ATP10D: variants seen among roughly 807,000 people sequenced by gnomAD.
The protein encoded by ATP10D is phospholipid-transporting ATPase VD.
Under a neutral mutation model 144.8 loss-of-function variants are expected in ATP10D, and 89 were observed. The observed-to-expected ratio is 0.61, with a 90% CI of 0.52 to 0.73. The LOEUF (loss-of-function observed/expected upper bound fraction) is 0.73, where lower values mean the gene tolerates loss of function less well. ATP10D is among the 30% of genes least tolerant of loss of function. The pLI, the probability that ATP10D is intolerant of heterozygous loss-of-function variation, is 0.00. For missense variants in ATP10D, 1,603 were observed against 1,714.8 expected, an observed-to-expected ratio of 0.93 and a Z score of 1.15; for synonymous variants, 571 against 615.1, an observed-to-expected ratio of 0.93 and a Z score of 1.06.
intron 1 of ATP10D, among the ~76,000 whole-genome samples, chr4:47,509,311 GCT>G (rs1451332058): frequency 6.6e-6 from 1 of 151,942 alleles, no homozygotes; most frequent in Non-Finnish European, 1.5e-5. Flanking sequence ...TTTATCTTTA[GCT>G]CTCTGTAGAA....
At chr4:47,516,920 T>G (rs1055919036) in intron 3 of ATP10D, among the ~76,000 whole-genome samples, 1 of 152,180 alleles carries the variant, frequency 6.6e-6, no homozygotes, top group Non-Finnish European at 1.5e-5. Flanking sequence ...GAATGCTTAT[T>G]ATATACCAGA....
intron 9 of ATP10D, among the ~76,000 whole-genome samples, chr4:47,538,000 A>G (rs921079630): frequency 3.3e-5 from 5 of 152,194 alleles, no homozygotes; most frequent in African/African-American, 9.6e-5. Context: ...AATTGTTTTT[A>G]TAAGACACAT....
At chr4:47,512,473 C>T in intron 1 of ATP10D, 31 bp from the exon 2 acceptor site, 1 of 1,401,570 alleles carries the variant, frequency 7.1e-7, no homozygotes, top group Non-Finnish European at 9.8e-7. Flanking sequence ...TTCAGAAGCT[C>T]ATGGAAGTGT....
chr4:47,522,760 G>C (rs1191310381), intron 3 of ATP10D, among the ~76,000 whole-genome samples: 5 of 152,156 alleles, frequency 3.3e-5, no homozygotes, highest in Admixed American at 6.5e-5. Flanking sequence ...GTAGAGACAG[G>C]GTTTCACCAT....
rs571577076 is a variant in ATP10D at position 47,584,517 on chromosome 4, C to T, written c.3753+2453C>T. Among the ~76,000 whole-genome samples the T allele has an allele frequency of 3.4e-4, 51 of 152,186 alleles. 1 individual carries two copies. Among genetic ancestry groups the T allele is most frequent in the Middle Eastern group, 3.4e-3 (1 of 294 alleles). ...ATGCCATTCTTCTGCCTCAGCCTCC[C>T]GAGTAGCTGGGACTACAGGCGCCCA... On this transcript the variant is annotated intron_variant, in intron 21 of 22. Coordinates refer to ENST00000273859, the MANE Select transcript of ATP10D (RefSeq NM_020453.4).
chr4:47,493,899 C>T (rs1403655543), intron 1 of ATP10D, among the ~76,000 whole-genome samples: 1 of 152,126 alleles, frequency 6.6e-6, no homozygotes, highest in Admixed American at 6.5e-5. Context: ...GGAGTAAGAT[C>T]CTCAGGTGAG....
rs187153727 is a variant in ATP10D at position 47,497,040 on chromosome 4, C to T, written c.-38+11521C>T. Among the ~76,000 whole-genome samples, 759 of 152,220 alleles carry T rather than the reference C, an allele frequency of 5.0e-3. 7 individuals carry two copies. Among genetic ancestry groups the T allele is most frequent in the African/African-American group, 0.017 (708 of 41,576 alleles). On this transcript the variant is annotated intron_variant, in intron 1 of 22. Transcript: ENST00000273859. Reference sequence around the variant, plus strand: ...TATTTTTAGTAGAAACGGGTTTCACCACATTGGCCAGGCTTGTCTCAAACT... The same window carrying T: ...TATTTTTAGTAGAAACGGGTTTCACTACATTGGCCAGGCTTGTCTCAAACT...
At chr4:47,557,602 C>A in intron 11 of ATP10D, 62 bp from the exon 12 acceptor site, 1 of 1,444,610 alleles carries the variant, frequency 6.9e-7, no homozygotes. Flanking sequence ...TCCAGTTTGC[C>A]TTCAAAGTTG....
intron 9 of ATP10D, among the ~76,000 whole-genome samples, chr4:47,540,712 A>C (rs1163315635): frequency 6.6e-6 from 1 of 152,146 alleles, no homozygotes; most frequent in Non-Finnish European, 1.5e-5. Context: ...ATTATTATTA[A>C]TTGAAACCCA....
intron 16 of ATP10D, among the ~76,000 whole-genome samples, chr4:47,570,724 A>T (rs180941889): frequency 7.0e-4 from 106 of 152,040 alleles, no homozygotes; most frequent in Non-Finnish European, 1.3e-3. Flanking sequence ...AGTCACTTGC[A>T]CCCGGGAAGC....
At chr4:47,550,947 A>G (rs112932977) in intron 10 of ATP10D, among the ~76,000 whole-genome samples, 19,863 of 152,316 alleles carry the variant, frequency 0.13, 1,637 homozygotes, top group Non-Finnish European at 0.19. Context: ...ATAGAGTGAA[A>G]TAGAGCTCCC....
intron 1 of ATP10D, among the ~76,000 whole-genome samples, chr4:47,500,278 A>C (rs1715615292): frequency 6.6e-6 from 1 of 152,250 alleles, no homozygotes; most frequent in Admixed American, 6.5e-5. Context: ...AGAAAGTGAC[A>C]TAAAGGTTTT....
chr4:47,528,323 C>T (rs1238626482), intron 5 of ATP10D, among the ~76,000 whole-genome samples: 1 of 151,994 alleles, frequency 6.6e-6, no homozygotes, highest in Non-Finnish European at 1.5e-5. Flanking sequence ...CTTTAGCTCT[C>T]ACTTATGAGT....
intron 1 of ATP10D, among the ~76,000 whole-genome samples, chr4:47,494,042 C>T (rs979215504): frequency 6.6e-6 from 1 of 152,040 alleles, no homozygotes; most frequent in African/African-American, 2.4e-5. Flanking sequence ...CTGCAAAAGT[C>T]ATTAATTTAA....
intron 1 of ATP10D, among the ~76,000 whole-genome samples, chr4:47,496,777 G>A (rs1484561635): frequency 6.6e-6 from 1 of 151,640 alleles, no homozygotes; most frequent in Non-Finnish European, 1.5e-5. Flanking sequence ...TTTTCCAACT[G>A]TGCTATTCAT....
At chr4:47,537,824 C>T (rs903238600) in intron 9 of ATP10D, among the ~76,000 whole-genome samples, 3 of 152,076 alleles carry the variant, frequency 2.0e-5, no homozygotes, top group Non-Finnish European at 4.4e-5. Context: ...TTGTAGTTAA[C>T]GTCACTTATT....
intron 1 of ATP10D, among the ~76,000 whole-genome samples, chr4:47,499,484 A>G (rs563587291): frequency 6.6e-6 from 1 of 152,102 alleles, no homozygotes; most frequent in East Asian, 1.9e-4. Context: ...TTAAATCTTC[A>G]TAAAGACAGA....
chr4:47,584,977 A>T (rs187871403), intron 21 of ATP10D, among the ~76,000 whole-genome samples: 4 of 152,294 alleles, frequency 2.6e-5, no homozygotes, highest in African/African-American at 9.6e-5. Flanking sequence ...AATAAAAGAG[A>T]TTAATAAAAG....
chr4:47,587,847 C>T (rs1720862155), intron 22 of ATP10D, among the ~76,000 whole-genome samples: 1 of 152,204 alleles, frequency 6.6e-6, no homozygotes, highest in Non-Finnish European at 1.5e-5. Context: ...GGGGAATAAA[C>T]ATTCCAACCA....
Sources: gnomAD v4.1 joint callset for allele counts (sites outside exome capture counted in the v4.1 genomes callset) on GRCh38, gnomAD v4.1.1 for gene constraint, MANE v1.5 for transcripts, NCBI Gene and HGNC (gene_info 2026-07-23, HGNC 2026-07-21) for gene names.